TUBGCP5: variants seen among roughly 807,000 people sequenced by gnomAD.
TUBGCP5 encodes the protein tubulin gamma complex component 5.
In TUBGCP5, 98 loss-of-function variants were observed where a neutral mutation model predicts 134.7. That is an observed-to-expected ratio of 0.73 (90% CI 0.62 to 0.86). The LOEUF (loss-of-function observed/expected upper bound fraction) is 0.86, where lower values mean the gene tolerates loss of function less well. Among genes scored for constraint, TUBGCP5 ranks in the 40% least tolerant of loss-of-function variants. TUBGCP5 has a pLI of 0.00. For synonymous variants in TUBGCP5, 456 were observed against 431.4 expected, an observed-to-expected ratio of 1.06 and a Z score of -0.71; for missense variants, 1,150 against 1,244.8, an observed-to-expected ratio of 0.92 and a Z score of 1.15.
chr15:23,036,084 T>C (rs76428744), intron 3 of TUBGCP5, among the ~76,000 whole-genome samples: 3 of 152,114 alleles, frequency 2.0e-5, no homozygotes, highest in Non-Finnish European at 4.4e-5. Context: ...AGCTAGGGAA[T>C]GTGGTCCCAC....
intron 6 of TUBGCP5, among the ~76,000 whole-genome samples, chr15:23,028,525 G>A (rs1345273596): frequency 2.0e-5 from 3 of 151,484 alleles, no homozygotes; most frequent in African/African-American, 7.3e-5. Context: ...TAGGATAAAA[G>A]AGAAAAGTTA....
rs764423949 is a variant in TUBGCP5 at position 23,017,844 on chromosome 15, G to A, written c.1685C>T (p.Ala562Val). 6.2e-7 allele frequency: 1 copy of A among 1,614,066 alleles called. No individual in the cohort carries two copies. Among genetic ancestry groups the A allele is most frequent in the Admixed American group, 1.7e-5 (1 of 60,014 alleles). ...CTTCAGCAGCTGCATCGACTTGCCA[G>A]CCATTATGATCTGCTTCAGGACAGG... ...LKPVLKQIIM[A>V]GKSMQLLKNL... The change falls in exon 13 of 23, where the codon GCT (alanine) becomes GTT (valine). Residue 562 changes from alanine (A) to valine (V), a missense_variant. Around this residue, in one of 2 missense-constraint regions of TUBGCP5, gnomAD observed 697 missense variants for 850.1 expected, o/e 0.82. Transcript: ENST00000615383.
chr15:23,020,679 T>TAC (rs2065632377), intron 11 of TUBGCP5, among the ~76,000 whole-genome samples: 1 of 151,990 alleles, frequency 6.6e-6, no homozygotes, highest in African/African-American at 2.4e-5. Flanking sequence ...ACACCTAATG[T>TAC]ACATACCCAA....
chr15:23,037,134 A>G lies in TUBGCP5; in HGVS notation c.165T>C (p.Asp55=). The G allele has an allele frequency of 1.2e-6, 2 of 1,613,634 alleles. No homozygotes were observed. The highest frequency in any genetic ancestry group is 1.7e-6 in the Non-Finnish European group (2 of 1,179,990). Reference sequence around the variant, plus strand: ...TTTTTTCTATTTTGTGGCTGTTGACATCCAAGAAACGATGAAATCTATTAA... The same window carrying G: ...TTTTTTCTATTTTGTGGCTGTTGACGTCCAAGAAACGATGAAATCTATTAA... The part of the protein sequence containing the change: ...WSNFRFHRFL[D]VNSHKIEKTI... Residue 55 remains aspartate, a synonymous_variant, in exon 2 of 23, where the codon GAT becomes GAC. Transcript: ENST00000615383.
At chr15:23,032,057 G>C in intron 4 of TUBGCP5, 28 bp from the exon 5 acceptor site, 1 of 1,547,748 alleles carries the variant, frequency 6.5e-7, no homozygotes, top group Middle Eastern at 1.7e-4. Context: ...AACTTCATTG[G>C]CTTTATTATA....
chr15:23,025,128 C>T (rs1045962491), intron 8 of TUBGCP5, among the ~76,000 whole-genome samples: 1 of 152,126 alleles, frequency 6.6e-6, no homozygotes, highest in African/African-American at 2.4e-5. Context: ...TCTCGAACTC[C>T]TGAGCTCAAG....
intron 11 of TUBGCP5, among the ~76,000 whole-genome samples, chr15:23,020,638 GAA>G (rs986117204): frequency 1.3e-5 from 2 of 149,652 alleles, no homozygotes; most frequent in Non-Finnish European, 3.0e-5. Flanking sequence ...AAATTGGTGT[GAA>G]AAAAAGTTAT....
At chr15:23,016,145 A>G (rs976640227) in intron 13 of TUBGCP5, among the ~76,000 whole-genome samples, 7 of 152,242 alleles carry the variant, frequency 4.6e-5, no homozygotes, top group Non-Finnish European at 1.0e-4. Flanking sequence ...AATGATTTGA[A>G]TGAGAAATTC....
intron 10 of TUBGCP5, 72 bp from the exon 11 acceptor site, chr15:23,022,233 G>A (rs2065746650): frequency 6.6e-7 from 1 of 1,514,552 alleles, no homozygotes; most frequent in Admixed American, 1.7e-5. Context: ...ATAAATGCTG[G>A]CAAATCATCA....
intron 11 of TUBGCP5, among the ~76,000 whole-genome samples, chr15:23,020,625 A>G (rs1232263551): frequency 6.6e-6 from 1 of 151,390 alleles, no homozygotes; most frequent in Non-Finnish European, 1.5e-5. Flanking sequence ...GAAATATGGT[A>G]TTAAATTGGT....
chr15:23,029,370 C>T (rs112397232), intron 6 of TUBGCP5, among the ~76,000 whole-genome samples: 2,513 of 152,134 alleles, frequency 0.017, 34 homozygotes, highest in Non-Finnish European at 0.025. Flanking sequence ...TACAGGCATG[C>T]GCCACTATGC....
chr15:22,989,816 G>A (rs2063793721), intron 23 of TUBGCP5, among the ~76,000 whole-genome samples: 1 of 152,328 alleles, frequency 6.6e-6, no homozygotes, highest in African/African-American at 2.4e-5. Flanking sequence ...GACCCAAGTT[G>A]ACTCGCTGTG....
rs1253138746 is a variant in TUBGCP5, at chr15:22,999,227, AATATG to A, written c.*588_*592del. On this transcript the variant is annotated 3_prime_UTR_variant, in exon 23 of 23. Transcript: ENST00000615383. Reference sequence around the variant, plus strand: ...TGAATATCAGTAATTACATTTTCAAAATATGATATAATTTAAAGGTATCAGTACCA... The same window carrying A: ...TGAATATCAGTAATTACATTTTCAAAATATAATTTAAAGGTATCAGTACCA... 1.3e-5 allele frequency: 2 copies of A among 152,274 alleles called. No individual in the cohort carries two copies. The highest frequency in any genetic ancestry group is 1.9e-4 in the East Asian group (1 of 5,208). The allele number at this position is 152,274 out of a possible 1,614,324, so 9.4% of individuals were successfully genotyped here.
chr15:22,998,589 G>C (rs1446310415), downstream of TUBGCP5, among the ~76,000 whole-genome samples: 1 of 151,964 alleles, frequency 6.6e-6, no homozygotes, highest in East Asian at 1.9e-4. Flanking sequence ...CTCCCAAGTA[G>C]CTGGGACCAC....
chr15:23,031,676 C>G (rs1464904616), intron 5 of TUBGCP5, among the ~76,000 whole-genome samples: 1 of 152,068 alleles, frequency 6.6e-6, no homozygotes, highest in Non-Finnish European at 1.5e-5. Flanking sequence ...GTTGCCCAGG[C>G]TGGTCTCAAA....
At chr15:23,012,115 C>CAAAA (rs1210798007) in intron 13 of TUBGCP5, among the ~76,000 whole-genome samples, 11 of 80,832 alleles carry the variant, frequency 1.4e-4, no homozygotes, top group Non-Finnish European at 2.5e-4. Flanking sequence ...AAACCTGACT[C>CAAAA]AAAAAAAAAA....
intron 23 of TUBGCP5, among the ~76,000 whole-genome samples, chr15:22,992,544 T>C (rs1435369498): frequency 6.6e-6 from 1 of 152,126 alleles, no homozygotes; most frequent in East Asian, 1.9e-4. Context: ...GCTCTGCTCT[T>C]GGACTGATAC....
downstream of TUBGCP5, among the ~76,000 whole-genome samples, chr15:22,998,773 C>G (rs2064211374): frequency 6.6e-6 from 1 of 152,130 alleles, no homozygotes; most frequent in African/African-American, 2.4e-5. Context: ...GGCCACCACA[C>G]CTGGCTAATT....
chr15:23,000,757 AT>A (rs2064326243), intron 21 of TUBGCP5, 88 bp from the exon 22 acceptor site: 3 of 994,932 alleles, frequency 3.0e-6, no homozygotes, highest in Non-Finnish European at 4.3e-6. Flanking sequence ...TTTCAAATGT[AT>A]TTTGGTTTAA....
Sources: allele counts gnomAD v4.1 joint callset (sites outside exome capture counted in the v4.1 genomes callset), GRCh38; gene constraint gnomAD v4.1.1; regional missense constraint gnomAD v4.1.1; transcripts MANE v1.5; gene names NCBI Gene and HGNC (gene_info 2026-07-23, HGNC 2026-07-21).